Variants in NRCAM observed in about 807,000 individuals in gnomAD.
The protein encoded by NRCAM is NgCAM-related cell adhesion molecule.
Under a neutral mutation model 156.5 loss-of-function variants are expected in NRCAM, and 83 were observed. The ratio of observed to expected loss-of-function variants is 0.53; its 90% CI spans 0.44 to 0.64. NRCAM has a LOEUF of 0.64. Ranked by LOEUF, NRCAM falls within the 30% of genes least tolerant of loss-of-function variation. The probability of loss-of-function intolerance (pLI) is 0.00; values close to 1 mark genes in which losing one functional copy is unlikely to be tolerated. For missense variants in NRCAM, 1,417 were observed against 1,597.3 expected, an observed-to-expected ratio of 0.89 and a Z score of 1.92; for synonymous variants, 538 against 563.9, an observed-to-expected ratio of 0.95 and a Z score of 0.65.
intron 13 of NRCAM, among the ~76,000 whole-genome samples, chr7:108,200,774 ACACACACACACT>A (rs1412919885): frequency 1.4e-5 from 2 of 147,388 alleles, no homozygotes; most frequent in Non-Finnish European, 3.0e-5. Context: ...ACACACACAC[ACACACACACACT>A]ATGAAATACT....
At chr7:108,434,371 C>A (rs1236011627) in intron 1 of NRCAM, among the ~76,000 whole-genome samples, 1 of 152,054 alleles carries the variant, frequency 6.6e-6, no homozygotes, top group Non-Finnish European at 1.5e-5. Context: ...TTGGAGAAAA[C>A]AAAAAACTAG....
At position 108,234,700 on chromosome 7, in the gene NRCAM, A is replaced by G. The variant is rs752552068; in HGVS notation, c.125-12T>C. On this transcript the variant is annotated splice_polypyrimidine_tract_variant and intron_variant, in intron 5 of 32. Coordinates refer to ENST00000379028, the MANE Select transcript of NRCAM (RefSeq NM_001037132.4). ...TGGAGGCTGTACCACTTAATTGTAGAAAAAAAAAAATGTAAAAAAACAAAT... is the reference window on the plus strand; with the variant it reads ...TGGAGGCTGTACCACTTAATTGTAGGAAAAAAAAAATGTAAAAAAACAAAT... 5.6e-5 allele frequency: 60 copies of G among 1,072,672 alleles called. No individual in the cohort carries two copies. Among genetic ancestry groups the G allele is most frequent in the South Asian group, 1.1e-4 (7 of 62,468 alleles). 66.4% of individuals were successfully genotyped at this position (1,072,672 alleles called of 1,614,324 possible).
intron 2 of NRCAM, among the ~76,000 whole-genome samples, chr7:108,356,888 G>A (rs2099506180): frequency 6.6e-6 from 1 of 152,196 alleles, no homozygotes; most frequent in African/African-American, 2.4e-5. Context: ...AAAGAGATGG[G>A]CCCTTTGGGA....
At chr7:108,281,902 GAAGT>G (rs1328723418) in intron 3 of NRCAM, among the ~76,000 whole-genome samples, 5 of 152,226 alleles carry the variant, frequency 3.3e-5, no homozygotes, top group Admixed American at 2.0e-4. Context: ...ACAATTGGGT[GAAGT>G]AAGTGTCTGA....
chr7:108,277,555 A>G (rs2097685924), intron 3 of NRCAM, among the ~76,000 whole-genome samples: 1 of 151,850 alleles, frequency 6.6e-6, no homozygotes. Flanking sequence ...TATGCTTCTC[A>G]AAGTTCTTGT....
At chr7:108,391,959 G>A (rs1026737833) in intron 2 of NRCAM, among the ~76,000 whole-genome samples, 3 of 152,220 alleles carry the variant, frequency 2.0e-5, no homozygotes, top group African/African-American at 7.2e-5. Flanking sequence ...AGTCTGATGG[G>A]CTTCCCTTTG....
At chr7:108,161,937 C>T (rs1246321247) in intron 30 of NRCAM, among the ~76,000 whole-genome samples, 1 of 152,192 alleles carries the variant, frequency 6.6e-6, no homozygotes, top group African/African-American at 2.4e-5. Flanking sequence ...AGTAAAGCAT[C>T]AGTTTAGGCA....
At chr7:108,153,969 A>G (rs2043298585) in intron 32 of NRCAM, among the ~76,000 whole-genome samples, 1 of 152,208 alleles carries the variant, frequency 6.6e-6, no homozygotes, top group South Asian at 2.1e-4. Context: ...GAAGACTCAA[A>G]TATAGTAAAT....
At chr7:108,332,097 T>C (rs1384385720) in intron 2 of NRCAM, among the ~76,000 whole-genome samples, 1 of 152,202 alleles carries the variant, frequency 6.6e-6, no homozygotes, top group East Asian at 1.9e-4. Context: ...CAGATCTGCA[T>C]AGTGGAGACA....
chr7:108,238,830 T>G (rs946952785), intron 4 of NRCAM, among the ~76,000 whole-genome samples: 1 of 152,058 alleles, frequency 6.6e-6, no homozygotes, highest in Non-Finnish European at 1.5e-5. Context: ...TTTATTGAAC[T>G]TTATAGAAGC....
At chr7:108,282,295 T>C (rs1226677215) in intron 3 of NRCAM, among the ~76,000 whole-genome samples, 1 of 152,248 alleles carries the variant, frequency 6.6e-6, no homozygotes, top group Non-Finnish European at 1.5e-5. Flanking sequence ...TGGGATGAGC[T>C]GATGGATACC....
chr7:108,254,638 C>T (rs1473617946), intron 3 of NRCAM, among the ~76,000 whole-genome samples: 1 of 150,396 alleles, frequency 6.6e-6, no homozygotes, highest in Non-Finnish European at 1.5e-5. Context: ...ACCTCTGTCT[C>T]CTGGGCTCAA....
chr7:108,180,037 T>TA (rs2062642875), intron 25 of NRCAM, among the ~76,000 whole-genome samples, 186 bp downstream of exon 25: 5 of 152,242 alleles, frequency 3.3e-5, no homozygotes, highest in Admixed American at 3.3e-4. Flanking sequence ...TGAAGCCTTC[T>TA]ATGTACACTT....
intron 1 of NRCAM, among the ~76,000 whole-genome samples, chr7:108,440,114 A>G (rs909356107): frequency 1.3e-5 from 2 of 152,170 alleles, no homozygotes; most frequent in Non-Finnish European, 2.9e-5. Context: ...GAAACAGTCC[A>G]TATGTCTATC....
chr7:108,175,860 G>A (rs1045422603), intron 27 of NRCAM, among the ~76,000 whole-genome samples: 1 of 152,010 alleles, frequency 6.6e-6, no homozygotes, highest in Non-Finnish European at 1.5e-5. Flanking sequence ...ATACTATAAT[G>A]GGCTATTTTG....
At chr7:108,374,856 C>T (rs771580868) in intron 2 of NRCAM, among the ~76,000 whole-genome samples, 1 of 152,078 alleles carries the variant, frequency 6.6e-6, no homozygotes, top group Non-Finnish European at 1.5e-5. Context: ...AAAGAGAGTA[C>T]AAATAATAAT....
rs2076672323 is a variant in NRCAM, at chr7:108,199,224, C to T, written c.1208-1125G>A. ...AGACACACTCATCACTGTATTTAGACTCTTTTATCACTTTTAAAATAAAAA... is the reference window on the plus strand; with the variant it reads ...AGACACACTCATCACTGTATTTAGATTCTTTTATCACTTTTAAAATAAAAA... On this transcript the variant is annotated intron_variant, in intron 13 of 32. Transcript: ENST00000379028. Among the ~76,000 whole-genome samples, 3 of 150,434 alleles carry T rather than the reference C, an allele frequency of 2.0e-5. No individual in the cohort carries two copies. In the South Asian group the frequency reaches 6.3e-4, roughly 32 times the overall value.
intron 2 of NRCAM, 58 bp from the exon 3 acceptor site, chr7:108,312,789 C>G (rs1043383289): frequency 6.6e-6 from 1 of 152,142 alleles, no homozygotes; most frequent in African/African-American, 2.4e-5. Flanking sequence ...TCAATCACAG[C>G]AGAGTGTCAA....
At chr7:108,448,176 AAC>A (rs1266757209) in intron 1 of NRCAM, among the ~76,000 whole-genome samples, 1 of 152,236 alleles carries the variant, frequency 6.6e-6, no homozygotes, top group Non-Finnish European at 1.5e-5. Context: ...AAATTCATGA[AAC>A]ACACAAGGTA....
Sources: allele counts gnomAD v4.1 joint callset (sites outside exome capture counted in the v4.1 genomes callset), GRCh38; gene constraint gnomAD v4.1.1; transcripts MANE v1.5; gene names NCBI Gene and HGNC (gene_info 2026-07-23, HGNC 2026-07-21).